Variants in XIRP2 observed in about 807,000 individuals in gnomAD.
The protein encoded by XIRP2 is xin actin-binding repeat-containing protein 2.
In XIRP2, 236 loss-of-function variants were observed where a neutral mutation model predicts 277.0. That is an observed-to-expected ratio of 0.85 (90% CI 0.77 to 0.95). The LOEUF (loss-of-function observed/expected upper bound fraction) is 0.95, where lower values mean the gene tolerates loss of function less well. XIRP2 is among the 40% of genes least tolerant of loss of function. The pLI is 0.00. For missense variants in XIRP2, 4,640 were observed against 4,157.5 expected (o/e 1.12, Z -3.19); for synonymous variants, 1,490 against 1,416.5 (o/e 1.05, Z -1.17).
intron 2 of XIRP2, among the ~76,000 whole-genome samples, chr2:167,080,180 G>A (rs1054641701): frequency 2.6e-5 from 4 of 152,130 alleles, no homozygotes; most frequent in Non-Finnish European, 4.4e-5. Context: ...CTATTGTGTT[G>A]TTTGCTATAA....
intron 2 of XIRP2, among the ~76,000 whole-genome samples, chr2:167,020,949 G>A (rs900225504): frequency 9.9e-5 from 15 of 151,900 alleles, no homozygotes; most frequent in Non-Finnish European, 2.1e-4. Context: ...TATTCCAGTG[G>A]TCTTCGAAAT....
chr2:167,250,311 T>A lies in XIRP2; in HGVS notation c.8919T>A (p.Leu2973=). Residue 2973 remains leucine (L), a synonymous_variant, in exon 9 of 11, where the codon CTT becomes CTA. Coordinates refer to ENST00000409195, the MANE Select transcript of XIRP2 (RefSeq NM_152381.6). ...QFEAEPNKSG[L]KTFQTLLNTI... is the part of the protein sequence containing the mutation. ...AAGCAGAGCCAAATAAAAGTGGCCT[T>A]AAAACATTTCAGACACTATTAAATA... is the stretch of plus-strand genomic sequence containing the variant. 6.2e-7 allele frequency: 1 copy of A among 1,613,266 alleles called. No individual in the cohort carries two copies. Among genetic ancestry groups the A allele is most frequent in the Non-Finnish European group, 8.5e-7 (1 of 1,179,634 alleles).
At position 167,243,257 on chromosome 2, in the gene XIRP2, A is replaced by G. The variant is rs1274070060; in HGVS notation, c.1865A>G (p.Glu622Gly). The change falls in exon 9 of 11, where the codon GAA (glutamate) becomes GGA (glycine). Residue 622 changes from glutamate to glycine, a missense_variant. Transcript: ENST00000409195. The stretch of plus-strand genomic sequence containing the variant: ...GTGAAATATACCACATGGATGTTTG[A>G]AACCCAACCCATCGACACACTTGGG... ...GDVKYTTWMFETQPIDTLGAY... is the reference protein window; with the variant it reads ...GDVKYTTWMFGTQPIDTLGAY... 6.2e-7 allele frequency: 1 copy of G among 1,613,762 alleles called. No homozygotes were observed. Among genetic ancestry groups the G allele is most frequent in the Non-Finnish European group, 8.5e-7 (1 of 1,179,812 alleles).
At chr2:167,168,079 G>T (rs1351717882) in intron 3 of XIRP2, among the ~76,000 whole-genome samples, 1 of 152,086 alleles carries the variant, frequency 6.6e-6, no homozygotes, top group Non-Finnish European at 1.5e-5. Context: ...GGTTTCTGAT[G>T]ACAAGTCAAA....
intron 2 of XIRP2, among the ~76,000 whole-genome samples, chr2:166,933,318 T>C (rs1398396125): frequency 6.6e-6 from 1 of 151,772 alleles, no homozygotes; most frequent in Non-Finnish European, 1.5e-5. Context: ...CTGGCTAATT[T>C]TATGTTTTTT....
chr2:167,116,061 C>A (rs1690888573), intron 2 of XIRP2, among the ~76,000 whole-genome samples: 1 of 152,098 alleles, frequency 6.6e-6, no homozygotes, highest in Admixed American at 6.6e-5. Context: ...AGAATATGGT[C>A]TATCTTGGTA....
chr2:167,010,329 C>G (rs1163266100), intron 2 of XIRP2, among the ~76,000 whole-genome samples: 1 of 151,334 alleles, frequency 6.6e-6, no homozygotes, highest in East Asian at 1.9e-4. Context: ...AATAGGGAAT[C>G]CTTTCCCCAT....
chr2:167,073,128 T>C (rs900634971), intron 2 of XIRP2, among the ~76,000 whole-genome samples: 2 of 152,156 alleles, frequency 1.3e-5, no homozygotes, highest in African/African-American at 4.8e-5. Flanking sequence ...CAAATGATCA[T>C]TAATGTGAGC....
At chr2:166,933,302 C>T (rs1025870336) in intron 2 of XIRP2, among the ~76,000 whole-genome samples, 2 of 151,784 alleles carry the variant, frequency 1.3e-5, no homozygotes, top group African/African-American at 4.8e-5. Context: ...GGGCCCACCA[C>T]CATGCCTGGC....
chr2:166,935,569 C>T (rs1217588707), intron 2 of XIRP2, among the ~76,000 whole-genome samples: 1 of 152,168 alleles, frequency 6.6e-6, no homozygotes, highest in South Asian at 2.1e-4. Flanking sequence ...CCCCCCTCCC[C>T]ACTCCATGAT....
chr2:167,225,859 G>A (rs1694583036), intron 5 of XIRP2, among the ~76,000 whole-genome samples: 1 of 152,048 alleles, frequency 6.6e-6, no homozygotes, highest in South Asian at 2.1e-4. Flanking sequence ...CTTTCTTGGT[G>A]CCTGTGGCTG....
chr2:166,969,367 A>G (rs932622868), intron 2 of XIRP2, among the ~76,000 whole-genome samples: 9 of 152,016 alleles, frequency 5.9e-5, no homozygotes, highest in African/African-American at 1.7e-4. Flanking sequence ...AATATTCACC[A>G]GTTAATGAAG....
At chr2:167,058,608 C>G (rs1218166441) in intron 2 of XIRP2, among the ~76,000 whole-genome samples, 1 of 152,172 alleles carries the variant, frequency 6.6e-6, no homozygotes, top group African/African-American at 2.4e-5. Context: ...ACTGGTGCCT[C>G]TCCATGTTAC....
chr2:166,906,818 T>C (rs1056620359), intron 2 of XIRP2, among the ~76,000 whole-genome samples: 1 of 152,060 alleles, frequency 6.6e-6, no homozygotes, highest in African/African-American at 2.4e-5. Context: ...ACTAGCTGGC[T>C]TGGGAGTCTG....
intron 2 of XIRP2, among the ~76,000 whole-genome samples, chr2:166,934,824 C>A (rs116350537): frequency 6.6e-6 from 1 of 151,360 alleles, no homozygotes; most frequent in Non-Finnish European, 1.5e-5. Flanking sequence ...CTGGCCAGCA[C>A]GGAGAAGCAC....
At chr2:166,959,805 G>A (rs1686256327) in intron 2 of XIRP2, among the ~76,000 whole-genome samples, 1 of 151,692 alleles carries the variant, frequency 6.6e-6, no homozygotes, top group Admixed American at 6.6e-5. Flanking sequence ...TTCTATTTGA[G>A]AGGATACAAT....
chr2:166,998,816 T>C (rs1687291937), intron 2 of XIRP2, among the ~76,000 whole-genome samples: 1 of 152,184 alleles, frequency 6.6e-6, no homozygotes. Context: ...TATAAAAGTT[T>C]TCTCCTGGTG....
At chr2:167,087,277 A>C (rs1282497220) in intron 2 of XIRP2, among the ~76,000 whole-genome samples, 1 of 152,204 alleles carries the variant, frequency 6.6e-6, no homozygotes, top group Non-Finnish European at 1.5e-5. Context: ...TCAGGGACCC[A>C]CTTGAGGAGG....
chr2:167,191,090 G>A (rs1422098794), intron 3 of XIRP2, among the ~76,000 whole-genome samples: 1 of 151,232 alleles, frequency 6.6e-6, no homozygotes, highest in African/African-American at 2.4e-5. Flanking sequence ...GGAGGTTGAG[G>A]TAGAAGGATC....
Sources: gnomAD v4.1 joint callset for allele counts (sites outside exome capture counted in the v4.1 genomes callset) on GRCh38, gnomAD v4.1.1 for gene constraint, MANE v1.5 for transcripts, NCBI Gene and HGNC (gene_info 2026-07-23, HGNC 2026-07-21) for gene names.